UAP1: variants seen among roughly 807,000 people sequenced by gnomAD.
UAP1 encodes UDP-N-acetylhexosamine pyrophosphorylase.
In UAP1, 25 loss-of-function variants were observed where a neutral mutation model predicts 58.5. The observed-to-expected ratio is 0.43, with a 90% CI of 0.31 to 0.60. The LOEUF (loss-of-function observed/expected upper bound fraction) is 0.60, where lower values mean the gene tolerates loss of function less well. Among genes scored for constraint, UAP1 ranks in the 20% least tolerant of loss-of-function variants. The probability of loss-of-function intolerance (pLI) is 0.11; values close to 1 mark genes in which losing one functional copy is unlikely to be tolerated. For synonymous variants in UAP1, 208 were observed against 213.0 expected (o/e 0.98, Z 0.21); for missense variants, 575 against 630.0 (o/e 0.91, Z 0.93).
chr1:162,565,822 A>G (rs1396954938), intron 1 of UAP1, among the ~76,000 whole-genome samples, 190 bp from the exon 2 acceptor site: 6 of 152,232 alleles, frequency 3.9e-5, no homozygotes, highest in African/African-American at 1.4e-4. Flanking sequence ...CCATGAAGGT[A>G]AAGTACTTAG....
intron 2 of UAP1, among the ~76,000 whole-genome samples, chr1:162,570,414 C>T (rs928880893): frequency 1.6e-4 from 25 of 151,866 alleles, no homozygotes; most frequent in African/African-American, 5.8e-4. Context: ...CCACATAAGC[C>T]CCCTTGATTA....
At chr1:162,582,545 AG>A (rs1237852778) in intron 5 of UAP1, among the ~76,000 whole-genome samples, 1 of 152,238 alleles carries the variant, frequency 6.6e-6, no homozygotes, top group African/African-American at 2.4e-5. Flanking sequence ...CTAACAATAA[AG>A]TAAGATCTCT....
intron 9 of UAP1, among the ~76,000 whole-genome samples, chr1:162,596,481 A>G (rs866067331): frequency 6.7e-4 from 102 of 152,262 alleles, no homozygotes; most frequent in African/African-American, 2.1e-3. Context: ...AGCCACATTT[A>G]TTTTTTATAT....
At chr1:162,593,058 G>A in intron 9 of UAP1, 1 of 497,614 alleles carries the variant, frequency 2.0e-6, no homozygotes, top group Non-Finnish European at 3.6e-6. Context: ...TGATAGGTAA[G>A]ATCCAGAGCA....
At chr1:162,583,146 C>CTTTTTTTTTT (rs11376471) in intron 5 of UAP1, among the ~76,000 whole-genome samples, 2 of 68,044 alleles carry the variant, frequency 2.9e-5, no homozygotes, top group Non-Finnish European at 5.0e-5. Flanking sequence ...TGGTGTCACT[C>CTTTTTTTTTT]TTTTTTTTTT....
At chr1:162,575,919 G>A (rs1242825630) in intron 2 of UAP1, among the ~76,000 whole-genome samples, 3 of 152,080 alleles carry the variant, frequency 2.0e-5, no homozygotes. Context: ...CTGACCTCAG[G>A]TGATCCACCT....
rs188078207 is a variant in UAP1 at position 162,578,823 on chromosome 1, C to T, written c.486-605C>T. 5.3e-5 allele frequency among the ~76,000 whole-genome samples: 8 copies of T among 152,206 alleles called. No homozygotes were observed. In the East Asian group the frequency reaches 7.7e-4, roughly 15 times the overall value. On this transcript the variant is annotated intron_variant, in intron 3 of 10. Coordinates refer to ENST00000271469, the Ensembl canonical transcript of UAP1. The stretch of plus-strand genomic sequence containing the variant: ...CTAGGTATTGAGGATAAATCAGTAA[C>T]CCAAACAGGCAAAAATCCCTTCTTA...
At chr1:162,577,758 C>T (rs1423782207) in intron 3 of UAP1, among the ~76,000 whole-genome samples, 7 of 151,868 alleles carry the variant, frequency 4.6e-5, no homozygotes, top group Non-Finnish European at 1.5e-5. Flanking sequence ...ATTACAGGCA[C>T]ACACCACCAC....
chr1:162,586,227 T>G (rs915016838), intron 5 of UAP1, among the ~76,000 whole-genome samples: 1 of 152,350 alleles, frequency 6.6e-6, no homozygotes. Flanking sequence ...TCATGTCTAC[T>G]TAGGATAGAC....
intron 5 of UAP1, among the ~76,000 whole-genome samples, chr1:162,585,611 A>G (rs6674500): frequency 0.22 from 32,810 of 152,164 alleles, 3,779 homozygotes; most frequent in Middle Eastern, 0.3. Context: ...CACTTCATTC[A>G]GTTTACAAAT....
chr1:162,568,279 C>T (rs886172183), intron 2 of UAP1, among the ~76,000 whole-genome samples: 33 of 152,154 alleles, frequency 2.2e-4, no homozygotes, highest in Non-Finnish European at 3.8e-4. Flanking sequence ...TGTCTTTCTC[C>T]AGGCTGACAA....
At chr1:162,588,540 C>A (rs538837058) in intron 6 of UAP1, among the ~76,000 whole-genome samples, 153 bp from the exon 7 acceptor site, 15 of 152,186 alleles carry the variant, frequency 9.9e-5, no homozygotes, top group Non-Finnish European at 1.5e-5. Flanking sequence ...GAAAGCTATT[C>A]ATTTACTATT....
intron 3 of UAP1, among the ~76,000 whole-genome samples, chr1:162,577,464 T>G (rs931295434): frequency 7.2e-6 from 1 of 139,552 alleles, no homozygotes; most frequent in Admixed American, 7.0e-5. Flanking sequence ...TTTTTTTTTT[T>G]TTGAGACAGG....
intron 1 of UAP1, among the ~76,000 whole-genome samples, chr1:162,565,115 G>A (rs888037140): frequency 3.3e-5 from 5 of 151,944 alleles, no homozygotes; most frequent in African/African-American, 1.2e-4. Flanking sequence ...GCCTGTGCTG[G>A]GATTACAGGT....
At chr1:162,592,695 C>T in intron 8 of UAP1, 37 bp from the exon 9 acceptor site, 1 of 1,464,448 alleles carries the variant, frequency 6.8e-7, no homozygotes, top group Non-Finnish European at 9.4e-7. Flanking sequence ...GTTTGATTTG[C>T]TTCCATTCCC....
At chr1:162,580,548 A>C (rs1450030612) in intron 4 of UAP1, among the ~76,000 whole-genome samples, 1 of 152,236 alleles carries the variant, frequency 6.6e-6, no homozygotes, top group South Asian at 2.1e-4. Context: ...TGACAGATTT[A>C]TGTTTATGAG....
Position 162,590,335 on chromosome 1 carries a change from A to G in UAP1, c.1182A>G (p.Val394=), listed in dbSNP as rs143903373. ...GGTTTCGCTCTAGGAAGTTTGTGGT[A>G]TATGAAGTATTGCGAGAAGATGAGT... The change falls in exon 8 of 11, where the codon GTA becomes GTG. Residue 394 remains valine (V), a synonymous_variant. Transcript: ENST00000271469. 2.9e-5 allele frequency: 47 copies of G among 1,611,906 alleles called. No homozygotes were observed. The African/African-American group carries it at 5.7e-4, about 20-fold the overall frequency.
intron 5 of UAP1, among the ~76,000 whole-genome samples, chr1:162,584,468 G>A (rs1654790211): frequency 6.6e-6 from 1 of 152,112 alleles, no homozygotes; most frequent in Non-Finnish European, 1.5e-5. Context: ...ATTATTTGCA[G>A]TACTTTATTT....
chr1:162,576,886 A>G, exon 3 of UAP1: 1 of 1,614,190 alleles, frequency 6.2e-7, no homozygotes, highest in Non-Finnish European at 8.5e-7. Context: ...TTGGTTTGCC[A>G]TCCCGTAAGA....
Sources: allele counts gnomAD v4.1 joint callset (sites outside exome capture counted in the v4.1 genomes callset), GRCh38; gene constraint gnomAD v4.1.1; transcripts MANE v1.5; gene names NCBI Gene and HGNC (gene_info 2026-07-23, HGNC 2026-07-21).